The following PDE6B variants were observed in gnomAD, a reference collection of about 807,000 sequenced individuals.
PDE6B encodes the protein phosphodiesterase 6B.
A neutral mutation model predicts 109.0 loss-of-function variants in PDE6B; 106 were observed. That is an observed-to-expected ratio of 0.97 (90% CI 0.83 to 1.14). The LOEUF is 1.14. PDE6B is among the 50% of genes most tolerant of loss of function. The pLI is 0.00. For synonymous variants in PDE6B, 490 were observed against 471.3 expected (o/e 1.04, Z -0.51); for missense variants, 1,193 against 1,155.6 (o/e 1.03, Z -0.47).
At chr4:654,019 C>G (rs374784891) in intron 4 of PDE6B, 27 bp downstream of exon 4, 101 of 1,613,630 alleles carry the variant, frequency 6.3e-5, no homozygotes, top group Middle Eastern at 3.3e-4. Flanking sequence ...TCAGGGACCC[C>G]CTGCCTGGCC....
chr4:665,109 C>A lies in PDE6B; in HGVS notation c.2194-146C>A. On this transcript the variant is annotated intron_variant, in intron 18 of 21. Coordinates refer to ENST00000496514, the MANE Select transcript of PDE6B (RefSeq NM_000283.4). The surrounding 1 kb of genome is among the most constrained non-coding windows in gnomAD (Gnocchi z 4.0). Reference sequence around the variant, plus strand: ...CAAGGATGGGGGTACTGCAGTGTGTCTACATGGCTCAACCGGAGCCCTGTG... The same window carrying A: ...CAAGGATGGGGGTACTGCAGTGTGTATACATGGCTCAACCGGAGCCCTGTG... The A allele has an allele frequency of 1.2e-6, 1 of 805,634 alleles. No individual in the cohort carries two copies. Among genetic ancestry groups the A allele is most frequent in the Non-Finnish European group, 2.2e-6 (1 of 464,550 alleles). 49.9% of individuals were successfully genotyped at this position (805,634 alleles called of 1,614,324 possible). A position where few individuals can be genotyped will look rare whatever the true frequency, so the allele number is the denominator to read the frequency against.
At chr4:649,952 G>A (rs1735414861) in intron 3 of PDE6B, among the ~76,000 whole-genome samples, 1 of 152,194 alleles carries the variant, frequency 6.6e-6, no homozygotes, top group African/African-American at 2.4e-5. Flanking sequence ...TGAGTACACG[G>A]GGTGGCCACC....
intron 7 of PDE6B, 39 bp downstream of exon 7, chr4:656,045 C>T (rs750751546): frequency 4.5e-6 from 6 of 1,337,680 alleles, no homozygotes; most frequent in Non-Finnish European, 6.5e-6. Context: ...CAGCCTTGCC[C>T]TCACTGGGTG....
intron 3 of PDE6B, chr4:653,413 G>A (rs914582180): frequency 1.1e-6 from 1 of 938,850 alleles, no homozygotes; most frequent in African/African-American, 1.7e-5. Flanking sequence ...CTCGTGGAGT[G>A]CGTCAGCAAT....
At position 658,949 on chromosome 4, in the gene PDE6B, T is replaced by A. The variant is rs914029258; in HGVS notation, c.1402-3T>A. On this transcript the variant is annotated splice_region_variant and splice_polypyrimidine_tract_variant and intron_variant, in intron 10 of 21. Transcript: ENST00000496514. The stretch of plus-strand genomic sequence containing the variant: ...CTCGTGACACATCTGTGTCTCTGTG[T>A]AGCCAACCAGAGCGCGCCTGGGGAA... The A allele has an allele frequency of 3.1e-6, 5 of 1,611,008 alleles. No individual in the cohort carries two copies. Among genetic ancestry groups the A allele is most frequent in the Non-Finnish European group, 4.2e-6 (5 of 1,177,722 alleles).
intron 10 of PDE6B, among the ~76,000 whole-genome samples, 164 bp from the exon 11 acceptor site, chr4:658,788 A>G (rs905135027): frequency 6.6e-6 from 1 of 152,180 alleles, no homozygotes; most frequent in Non-Finnish European, 1.5e-5. Flanking sequence ...CAGGCCATGC[A>G]CACGGTCATT....
chr4:632,457 G>T (rs142592014), intron 1 of PDE6B, among the ~76,000 whole-genome samples: 13 of 152,044 alleles, frequency 8.6e-5, no homozygotes, highest in African/African-American at 3.1e-4. Flanking sequence ...TCAGGGTCAC[G>T]TTGTGTGGAT....
chr4:667,088 G>A (rs1737884956), intron 20 of PDE6B, among the ~76,000 whole-genome samples: 1 of 152,218 alleles, frequency 6.6e-6, no homozygotes, highest in Non-Finnish European at 1.5e-5. Flanking sequence ...CTGCCAATCT[G>A]CCACAGTCCG....
rs1194861909 is a variant in PDE6B at position 665,366 on chromosome 4, G to T, written c.2268+37G>T. 1 of 1,437,724 alleles carries T rather than the reference G, an allele frequency of 7.0e-7. No individual in the cohort carries two copies. The highest frequency in any genetic ancestry group is 1.1e-5 in the South Asian group (1 of 87,022). 89.1% of individuals were successfully genotyped at this position (1,437,724 alleles called of 1,614,324 possible). Reference sequence around the variant, plus strand: ...TTCTGGAACCTTCCACTCCTGAAACGGGTGTTAGAGACCCCTCTTGGTCCT... The same window carrying T: ...TTCTGGAACCTTCCACTCCTGAAACTGGTGTTAGAGACCCCTCTTGGTCCT... On this transcript the variant is annotated intron_variant, in intron 19 of 21. Transcript: ENST00000496514. This position sits in a 1 kb window ranked among gnomAD's most constrained non-coding sequence, Gnocchi z 4.0.
In PDE6B at chr4:666,672, GGGGGCGCGGGCTGGAGTCGCGTGGACTCA is replaced by G. The variant is rs1737838671; in HGVS notation, c.2352+59_2352+87del. On this transcript the variant is annotated intron_variant, in intron 20 of 21. Coordinates refer to ENST00000496514, the MANE Select transcript of PDE6B (RefSeq NM_000283.4). This position sits in a 1 kb window ranked among gnomAD's most constrained non-coding sequence, Gnocchi z 5.6. ...GGGCAGGGTGGCTGGGAGCAGGCAA[GGGGGCGCGGGCTGGAGTCGCGTGGACTCA>G]CACGGGCCCGGCGGTGTCCTCACTG... 1.1e-5 allele frequency: 13 copies of G among 1,182,510 alleles called. No homozygotes were observed. Among genetic ancestry groups the G allele is most frequent in the Middle Eastern group, 3.8e-4 (2 of 5,234 alleles). The allele number at this position is 1,182,510 out of a possible 1,614,324, so 73.3% of individuals were successfully genotyped here. A position where few individuals can be genotyped will look rare whatever the true frequency, so the allele number is the denominator to read the frequency against.
chr4:630,722 C>T (rs921542076), intron 1 of PDE6B, among the ~76,000 whole-genome samples: 7 of 152,226 alleles, frequency 4.6e-5, no homozygotes, highest in Non-Finnish European at 8.8e-5. Context: ...GCAGAACCTC[C>T]GCGGTGGCCA....
intron 8 of PDE6B, 63 bp downstream of exon 8, chr4:656,355 G>A (rs765829981): frequency 2.6e-5 from 29 of 1,098,678 alleles, no homozygotes; most frequent in Non-Finnish European, 4.1e-5. Context: ...TTGATTCAGC[G>A]ATGATGAAGT....
At chr4:632,676 G>T (rs866513825) in intron 1 of PDE6B, among the ~76,000 whole-genome samples, 1 of 150,186 alleles carries the variant, frequency 6.7e-6, no homozygotes, top group African/African-American at 2.5e-5. Context: ...TCACATTGTG[G>T]GGATCTGTGT....
Position 625,933 on chromosome 4 carries a change from G to A in PDE6B, c.307G>A (p.Val103Met), listed in dbSNP as rs751477149. The A allele has an allele frequency of 2.0e-5, 32 of 1,594,488 alleles. No homozygotes were observed. Among genetic ancestry groups the A allele is most frequent in the East Asian group, 4.6e-5 (2 of 43,822 alleles). The part of the protein sequence containing the change: ...SLFMYRQRNG[V>M]AELATRLFSV... ...CTTCATGTACCGCCAGCGCAACGGC[G>A]TGGCCGAGCTGGCCACCAGGCTTTT... Residue 103 changes from valine (V) to methionine (M), a missense_variant, in exon 1 of 22, where the codon GTG becomes ATG. Val to Met is a conservative substitution (Grantham distance 21, BLOSUM62 1). Transcript: ENST00000496514. This position sits in a 1 kb window ranked among gnomAD's most constrained non-coding sequence, Gnocchi z 5.0.
At chr4:650,666 G>A (rs559651479) in intron 3 of PDE6B, among the ~76,000 whole-genome samples, 1 of 152,210 alleles carries the variant, frequency 6.6e-6, no homozygotes, top group Non-Finnish European at 1.5e-5. Context: ...CACACAGGGA[G>A]GGGGGCCGGC....
chr4:664,893 G>A lies in PDE6B; in HGVS notation c.2142G>A (p.Met714Ile). The A allele has an allele frequency of 6.2e-7, 1 of 1,613,314 alleles. No individual in the cohort carries two copies. The highest frequency in any genetic ancestry group is 8.5e-7 in the Non-Finnish European group (1 of 1,179,936). Residue 714 changes from methionine to isoleucine, a missense_variant, in exon 18 of 22, where the codon ATG becomes ATA. Coordinates refer to ENST00000496514, the MANE Select transcript of PDE6B (RefSeq NM_000283.4). Reference sequence around the variant, plus strand: ...TTTGTGTCTGCAGGGCCATGATGATGACAGCCTGCGACCTGTCTGCCATCA... The same window carrying A: ...TTTGTGTCTGCAGGGCCATGATGATAACAGCCTGCGACCTGTCTGCCATCA... Reference protein sequence around the residue: ...TRKEIVMAMMMTACDLSAITK... With the variant: ...TRKEIVMAMMITACDLSAITK...
intron 3 of PDE6B, among the ~76,000 whole-genome samples, chr4:647,917 T>A (rs1735287058): frequency 6.6e-6 from 1 of 151,344 alleles, no homozygotes; most frequent in African/African-American, 2.4e-5. Flanking sequence ...TAGTAAAAAA[T>A]ACAAAAAATT....
intron 9 of PDE6B, 121 bp from the exon 10 acceptor site, chr4:657,230 C>T: frequency 7.9e-7 from 1 of 1,267,586 alleles, no homozygotes; most frequent in Non-Finnish European, 1.1e-6. Flanking sequence ...CACAGAAGCA[C>T]TGCGACACCA....
Position 626,091 on chromosome 4 carries a change from C to G in PDE6B, c.465C>G (p.Ala155=). 1 of 1,564,690 alleles carries G rather than the reference C, an allele frequency of 6.4e-7. No homozygotes were observed. Among genetic ancestry groups the G allele is most frequent in the Non-Finnish European group, 8.7e-7 (1 of 1,150,492 alleles). The change falls in exon 1 of 22, where the codon GCC becomes GCG. Residue 155 remains alanine, a synonymous_variant. Transcript: ENST00000496514. The surrounding 1 kb of genome is among the most constrained non-coding windows in gnomAD (Gnocchi z 4.6). ...TKKMVNVEDV[A]ECPHFSSFAD... is the part of the protein sequence containing the mutation. ...AGATGGTGAACGTCGAGGACGTGGC[C>G]GAGGTGGGTCTGTGCGGAGCCTCAG... is the stretch of plus-strand genomic sequence containing the variant.
Sources: gnomAD v4.1 joint callset for allele counts (sites outside exome capture counted in the v4.1 genomes callset) on GRCh38, gnomAD v4.1.1 for gene constraint, Gnocchi (gnomAD v3.1) non-coding constraint, MANE v1.5 for transcripts, NCBI Gene and HGNC (gene_info 2026-07-23, HGNC 2026-07-21) for gene names.